Variants in ERBB4 observed in about 807,000 individuals in gnomAD.
ERBB4 encodes the protein receptor tyrosine-protein kinase erbB-4.
Under a neutral mutation model 158.0 loss-of-function variants are expected in ERBB4, and 42 were observed. The observed-to-expected ratio is 0.27, with a 90% CI of 0.21 to 0.34. The LOEUF is 0.34. Among genes scored for constraint, ERBB4 ranks in the 10% least tolerant of loss-of-function variants. ERBB4 has a pLI of 1.00. For synonymous variants in ERBB4, 583 were observed against 558.7 expected (o/e 1.04, Z -0.61); for missense variants, 1,333 against 1,624.1 (o/e 0.82, Z 3.08).
intron 1 of ERBB4, among the ~76,000 whole-genome samples, chr2:212,457,552 T>C (rs1688359307): frequency 6.6e-6 from 1 of 152,076 alleles, no homozygotes; most frequent in African/African-American, 2.4e-5. Context: ...GTGATATCTC[T>C]AGAATTAATA....
At chr2:212,457,934 TTTA>T (rs1229126298) in intron 1 of ERBB4, among the ~76,000 whole-genome samples, 1 of 151,940 alleles carries the variant, frequency 6.6e-6, no homozygotes, top group African/African-American at 2.4e-5. Flanking sequence ...AAGGTAAATA[TTTA>T]TTATTTATTA....
intron 8 of ERBB4, among the ~76,000 whole-genome samples, chr2:211,712,891 T>A (rs2073757580): frequency 1.3e-5 from 2 of 152,076 alleles, no homozygotes; most frequent in Admixed American, 1.3e-4. Flanking sequence ...GGGCACTCCC[T>A]GATACTTTGA....
rs59564874 is a variant in ERBB4 at position 211,682,085 on chromosome 2, C to CACACACACAT, written c.1490-2902_1490-2901insATGTGTGTGT. Among the ~76,000 whole-genome samples the CACACACACAT allele has an allele frequency of 1.3e-3, 200 of 149,832 alleles. 1 individual carries two copies. The highest frequency in any genetic ancestry group is 3.6e-3 in the African/African-American group (144 of 40,346). On this transcript the variant is annotated intron_variant, in intron 12 of 27. Coordinates refer to ENST00000342788, the MANE Select transcript of ERBB4 (RefSeq NM_005235.3). ...ACACACACACACACACACACACACA[C>CACACACACAT]ACACACAATTGGCTCACACAAGCAG...
intron 20 of ERBB4, among the ~76,000 whole-genome samples, chr2:211,480,334 T>C (rs1286545692): frequency 6.6e-6 from 1 of 152,128 alleles, no homozygotes; most frequent in Admixed American, 6.6e-5. Context: ...ATCCACGGCA[T>C]TGGGAGAGGG....
intron 4 of ERBB4, among the ~76,000 whole-genome samples, chr2:211,753,279 G>A (rs368216229): frequency 1.0e-4 from 15 of 147,652 alleles, no homozygotes; most frequent in Non-Finnish European, 7.5e-5. Flanking sequence ...GCCTAGCATA[G>A]AAAAAAAAAA....
intron 1 of ERBB4, among the ~76,000 whole-genome samples, chr2:212,505,282 A>C (rs1192133189): frequency 4.6e-5 from 7 of 152,130 alleles, no homozygotes; most frequent in Admixed American, 2.6e-4. Flanking sequence ...TTTTTAGTAG[A>C]GACAGGGTTT....
chr2:211,556,084 T>C (rs1574740961), intron 20 of ERBB4, among the ~76,000 whole-genome samples: 2 of 151,848 alleles, frequency 1.3e-5, no homozygotes, highest in African/African-American at 2.4e-5. Flanking sequence ...AATAAAAAGA[T>C]AGAGAAAAAT....
chr2:211,606,574 T>C (rs1159925761), intron 19 of ERBB4, among the ~76,000 whole-genome samples: 1 of 152,104 alleles, frequency 6.6e-6, no homozygotes, highest in Non-Finnish European at 1.5e-5. Flanking sequence ...ACTAAAAATG[T>C]TGTTATGGTC....
chr2:211,630,693 A>T (rs2125873978), intron 16 of ERBB4, 99 bp from the exon 17 acceptor site: 5 of 1,080,378 alleles, frequency 4.6e-6, no homozygotes, highest in Non-Finnish European at 6.8e-6. Context: ...TCCACATTTC[A>T]CAAATCTAGT....
At chr2:212,149,231 T>C (rs1298598260) in intron 1 of ERBB4, among the ~76,000 whole-genome samples, 3 of 152,176 alleles carry the variant, frequency 2.0e-5, no homozygotes, top group Admixed American at 6.6e-5. Flanking sequence ...GGAAAAGTAA[T>C]TTATGATGAA....
rs147870533 is a variant in ERBB4, at chr2:212,084,977, G to A, written c.234+39775C>T. Among the ~76,000 whole-genome samples the A allele has an allele frequency of 5.4e-4, 82 of 152,044 alleles. 3 individuals are homozygous for A. The East Asian group carries it at 0.015, about 28-fold the overall frequency. ...ATTTATTTAAAATCTAAGTGTAATA[G>A]TTCTCATTTATAAAATTGCTGAAGT... On this transcript the variant is annotated intron_variant, in intron 2 of 27. Coordinates refer to ENST00000342788, the MANE Select transcript of ERBB4 (RefSeq NM_005235.3).
At chr2:211,719,087 C>A (rs1309094191) in intron 7 of ERBB4, among the ~76,000 whole-genome samples, 1 of 152,138 alleles carries the variant, frequency 6.6e-6, no homozygotes, top group East Asian at 1.9e-4. Flanking sequence ...TATAAACTCC[C>A]ATGACTTCTT....
At chr2:211,747,050 C>T (rs1036574186) in intron 5 of ERBB4, among the ~76,000 whole-genome samples, 46 of 151,980 alleles carry the variant, frequency 3.0e-4, no homozygotes, top group African/African-American at 9.9e-4. Context: ...CAATAACATA[C>T]GTAGTTCAAA....
intron 1 of ERBB4, among the ~76,000 whole-genome samples, chr2:212,290,644 A>T (rs991367311): frequency 2.6e-5 from 4 of 151,830 alleles, no homozygotes; most frequent in Non-Finnish European, 5.9e-5. Flanking sequence ...CGTATCACAT[A>T]CTATACTATA....
chr2:211,485,530 A>G (rs2065181424), intron 20 of ERBB4, among the ~76,000 whole-genome samples: 1 of 152,026 alleles, frequency 6.6e-6, no homozygotes, highest in Non-Finnish European at 1.5e-5. Context: ...TCAAATTCTC[A>G]GGGATCATTT....
At chr2:211,562,912 C>T (rs919505871) in intron 19 of ERBB4, among the ~76,000 whole-genome samples, 4 of 151,000 alleles carry the variant, frequency 2.6e-5, no homozygotes, top group Non-Finnish European at 5.9e-5. Context: ...GCTGGGACTA[C>T]AGGCGCCCGC....
chr2:211,973,358 C>T (rs2081510633), intron 2 of ERBB4, among the ~76,000 whole-genome samples: 2 of 152,042 alleles, frequency 1.3e-5, no homozygotes, highest in Admixed American at 6.6e-5. Flanking sequence ...CCCGCCACCA[C>T]ACCTGGCTAA....
At chr2:211,761,691 G>A (rs941253295) in intron 4 of ERBB4, among the ~76,000 whole-genome samples, 2 of 152,070 alleles carry the variant, frequency 1.3e-5, no homozygotes, top group Admixed American at 6.6e-5. Flanking sequence ...TTAGTAATTG[G>A]CATTTATTTC....
At chr2:212,075,699 A>T (rs554020105) in intron 2 of ERBB4, among the ~76,000 whole-genome samples, 54 of 152,086 alleles carry the variant, frequency 3.6e-4, no homozygotes, top group South Asian at 2.9e-3. Context: ...TATAATATTC[A>T]TACCTGTTAG....
Sources: allele counts gnomAD v4.1 joint callset (sites outside exome capture counted in the v4.1 genomes callset), GRCh38; gene constraint gnomAD v4.1.1; transcripts MANE v1.5; gene names NCBI Gene and HGNC (gene_info 2026-07-23, HGNC 2026-07-21).